CCAR1: variants seen among roughly 807,000 people sequenced by gnomAD.
CCAR1 encodes the protein cell division cycle and apoptosis regulator 1.
Under a neutral mutation model 163.8 loss-of-function variants are expected in CCAR1, and 78 were observed. That is an observed-to-expected ratio of 0.48 (90% CI 0.40 to 0.57). The LOEUF is 0.57. Ranked by LOEUF, CCAR1 falls within the 20% of genes least tolerant of loss-of-function variation. The pLI is 0.00. For missense variants in CCAR1, 1,019 were observed against 1,365.2 expected (o/e 0.75, Z 4.00); for synonymous variants, 443 against 460.7 (o/e 0.96, Z 0.49).
At chr10:68,775,961 C>T (rs2056661387) in intron 19 of CCAR1, among the ~76,000 whole-genome samples, 1 of 151,888 alleles carries the variant, frequency 6.6e-6, no homozygotes, top group Non-Finnish European at 1.5e-5. Context: ...TCCCAAAGTG[C>T]TGGAGTTATA....
Position 68,788,273 on chromosome 10 carries a change from C to A in CCAR1, c.3132C>A (p.Ser1044Arg). The A allele has an allele frequency of 6.3e-7, 1 of 1,596,154 alleles. No individual in the cohort carries two copies. Among genetic ancestry groups the A allele is most frequent in the Admixed American group, 1.8e-5 (1 of 54,972 alleles). ...VGSLLQKLEKSEKVRAEVEQK... is the reference protein window; with the variant it reads ...VGSLLQKLEKREKVRAEVEQK... ...GCCTCTTGCAAAAATTGGAAAAGAGCGAAAAAGTAAGAGCTGAGGTAGAAC... is the reference window on the plus strand; with the variant it reads ...GCCTCTTGCAAAAATTGGAAAAGAGAGAAAAAGTAAGAGCTGAGGTAGAAC... The change falls in exon 23 of 25, where the codon AGC (serine) becomes AGA (arginine). Residue 1044 changes from serine (S) to arginine (R), a missense_variant. Transcript: ENST00000265872.
intron 6 of CCAR1, among the ~76,000 whole-genome samples, chr10:68,743,607 A>T (rs2056213185): frequency 6.6e-6 from 1 of 151,544 alleles, no homozygotes; most frequent in South Asian, 2.1e-4. Context: ...CAGTGGCGTG[A>T]TCTCACCTCA....
At chr10:68,769,452 C>G (rs1461154296) in intron 17 of CCAR1, among the ~76,000 whole-genome samples, 1 of 152,128 alleles carries the variant, frequency 6.6e-6, no homozygotes, top group Non-Finnish European at 1.5e-5. Flanking sequence ...GAAACCCCAT[C>G]TCTACTAAAA....
intron 5 of CCAR1, 47 bp downstream of exon 5, chr10:68,740,708 A>G (rs1186507310): frequency 1.4e-6 from 2 of 1,428,674 alleles, no homozygotes; most frequent in Non-Finnish European, 1.9e-6. Flanking sequence ...AATGAACAGT[A>G]GACTAAAGCT....
At position 68,786,193 on chromosome 10, in the gene CCAR1, G is replaced by A. The variant is rs767485719; in HGVS notation, c.2708G>A (p.Cys903Tyr). 3 of 1,609,474 alleles carry A rather than the reference G, an allele frequency of 1.9e-6. No individual in the cohort carries two copies. The highest frequency in any genetic ancestry group is 2.6e-6 in the Non-Finnish European group (3 of 1,176,376). The change falls in exon 20 of 25, where the codon TGC (cysteine) becomes TAC (tyrosine). Residue 903 changes from cysteine (C) to tyrosine (Y), a missense_variant. Around this residue, in one of 4 missense-constraint regions of CCAR1, gnomAD observed 358 missense variants for 406.4 expected, o/e 0.88. Coordinates refer to ENST00000265872, the MANE Select transcript of CCAR1 (RefSeq NM_018237.4). ...RDDKRDINRY[C>Y]KERPSKDKEK... ...GACAAAAGAGATATCAACAGATACTGCAAGGAGAGGCCCTCTAAAGATAAG... is the reference window on the plus strand; with the variant it reads ...GACAAAAGAGATATCAACAGATACTACAAGGAGAGGCCCTCTAAAGATAAG...
chr10:68,727,070 T>G (rs972658114), intron 2 of CCAR1, among the ~76,000 whole-genome samples: 4 of 149,982 alleles, frequency 2.7e-5, no homozygotes, highest in Admixed American at 2.0e-4. Flanking sequence ...AGATTTTTTT[T>G]TTTGTTTTTT....
Position 68,738,922 on chromosome 10 carries a change from C to T in CCAR1, c.291+1033C>T, listed in dbSNP as rs115446520. Among the ~76,000 whole-genome samples, 919 of 152,198 alleles carry T rather than the reference C, an allele frequency of 6.0e-3. 7 individuals carry two copies. Among genetic ancestry groups the T allele is most frequent in the African/African-American group, 0.021 (877 of 41,518 alleles). On this transcript the variant is annotated intron_variant, in intron 4 of 24. Coordinates refer to ENST00000265872, the MANE Select transcript of CCAR1 (RefSeq NM_018237.4). ...ATTAGCTGGGCCTGGTGGTGCACAG[C>T]TGTAAAAAATTAAAATAAATAAAAT...
intron 6 of CCAR1, 127 bp from the exon 7 acceptor site, chr10:68,747,034 T>C (rs959636824): frequency 2.2e-5 from 12 of 556,916 alleles, no homozygotes; most frequent in African/African-American, 3.9e-5. Context: ...ATTTCTGATA[T>C]AGTTTACTGT....
chr10:68,743,272 C>T (rs752289444), intron 6 of CCAR1, among the ~76,000 whole-genome samples: 4 of 151,386 alleles, frequency 2.6e-5, no homozygotes, highest in African/African-American at 7.3e-5. Flanking sequence ...TCTCAGCTCA[C>T]GGCAACCTCC....
chr10:68,766,238 T>C (rs1301302817), intron 17 of CCAR1, among the ~76,000 whole-genome samples, 159 bp downstream of exon 17: 1 of 152,110 alleles, frequency 6.6e-6, no homozygotes, highest in Non-Finnish European at 1.5e-5. Flanking sequence ...AGTTTCACTC[T>C]GTTACCCATG....
chr10:68,726,889 G>A (rs2055956156), intron 2 of CCAR1, among the ~76,000 whole-genome samples: 1 of 151,520 alleles, frequency 6.6e-6, no homozygotes, highest in Admixed American at 6.6e-5. Flanking sequence ...CCAGCTATTC[G>A]GGAGGCTGAG....
chr10:68,763,516 C>T (rs1455141911), intron 16 of CCAR1, among the ~76,000 whole-genome samples: 5 of 152,072 alleles, frequency 3.3e-5, no homozygotes, highest in African/African-American at 4.8e-5. Context: ...GGCACGATCT[C>T]GGCTCAGTGC....
chr10:68,765,961 C>G lies in CCAR1; in HGVS notation c.2180C>G (p.Pro727Arg). The change falls in exon 17 of 25, where the codon CCG (proline) becomes CGG (arginine). Residue 727 changes from proline to arginine, a missense_variant. Transcript: ENST00000265872. ...RERRYILPDE[P>R]AIIVHPNWAA... Reference sequence around the variant, plus strand: ...AGAAGATATATTTTGCCTGATGAACCGGCCATCATTGTACATCCAAATTGG... The same window carrying G: ...AGAAGATATATTTTGCCTGATGAACGGGCCATCATTGTACATCCAAATTGG... The G allele has an allele frequency of 1.2e-6, 2 of 1,613,776 alleles. No individual in the cohort carries two copies. Among genetic ancestry groups the G allele is most frequent in the Non-Finnish European group, 1.7e-6 (2 of 1,179,788 alleles).
intron 16 of CCAR1, among the ~76,000 whole-genome samples, chr10:68,763,300 A>G (rs1010484796): frequency 1.3e-5 from 2 of 151,144 alleles, no homozygotes; most frequent in African/African-American, 4.9e-5. Flanking sequence ...ACAGGCATGC[A>G]CCACCATGCC....
At chr10:68,734,850 A>C (rs952708254) in intron 2 of CCAR1, among the ~76,000 whole-genome samples, 3 of 152,072 alleles carry the variant, frequency 2.0e-5, no homozygotes, top group African/African-American at 7.3e-5. Flanking sequence ...CATTTAATGG[A>C]ATTGGGTAAA....
chr10:68,749,113 T>G (rs755539469), intron 8 of CCAR1, 23 bp from the exon 9 acceptor site: 2 of 1,613,532 alleles, frequency 1.2e-6, no homozygotes, highest in African/African-American at 1.3e-5. Context: ...ACGCTAAACG[T>G]TTTTTTCTTT....
At chr10:68,729,188 T>C (rs1360160851) in intron 2 of CCAR1, among the ~76,000 whole-genome samples, 1 of 152,124 alleles carries the variant, frequency 6.6e-6, no homozygotes, top group East Asian at 1.9e-4. Flanking sequence ...TATAAGATCA[T>C]AACACTTGTA....
chr10:68,750,118 A>G (rs1429643841), intron 10 of CCAR1, among the ~76,000 whole-genome samples: 3 of 152,120 alleles, frequency 2.0e-5, no homozygotes, highest in South Asian at 2.1e-4. Flanking sequence ...ATGTATTCAC[A>G]TGTATAGTGT....
intron 24 of CCAR1, among the ~76,000 whole-genome samples, chr10:68,790,280 G>A (rs925477329): frequency 1.4e-4 from 21 of 151,546 alleles, no homozygotes; most frequent in Non-Finnish European, 2.9e-4. Context: ...ACTTGAACCT[G>A]TGAAGCAGAG....
Sources: gnomAD v4.1 joint callset for allele counts (sites outside exome capture counted in the v4.1 genomes callset) on GRCh38, gnomAD v4.1.1 for gene constraint, gnomAD v4.1.1 regional missense constraint, MANE v1.5 for transcripts, NCBI Gene and HGNC (gene_info 2026-07-23, HGNC 2026-07-21) for gene names.